The following PPL variants were observed in gnomAD, a reference collection of about 807,000 sequenced individuals.
PPL encodes 190 kDa paraneoplastic pemphigus antigen.
In PPL, 198 loss-of-function variants were observed where a neutral mutation model predicts 194.4. That is an observed-to-expected ratio of 1.02 (90% CI 0.91 to 1.15). The LOEUF (loss-of-function observed/expected upper bound fraction) is 1.15. Ranked by LOEUF, PPL falls within the 50% of genes most tolerant of loss-of-function variation. The probability of loss-of-function intolerance (pLI) is 0.00; values close to 1 mark genes in which losing one functional copy is unlikely to be tolerated. For missense variants in PPL, 2,885 were observed against 2,294.8 expected, an observed-to-expected ratio of 1.26 and a Z score of -5.25; for synonymous variants, 1,220 against 972.4, an observed-to-expected ratio of 1.25 and a Z score of -4.74.
chr16:4,892,516 C>G (rs1266163430), intron 14 of PPL, among the ~76,000 whole-genome samples: 1 of 151,630 alleles, frequency 6.6e-6, no homozygotes, highest in Non-Finnish European at 1.5e-5. Flanking sequence ...TTGCGGCAAC[C>G]CCGGGAGGTG....
At chr16:4,901,468 C>A (rs180757875) in intron 4 of PPL, among the ~76,000 whole-genome samples, 1 of 152,126 alleles carries the variant, frequency 6.6e-6, no homozygotes, top group African/African-American at 2.4e-5. Flanking sequence ...GGGGTCGGAT[C>A]GCTTGAGCCC....
At chr16:4,909,563 A>G (rs561802115) in intron 2 of PPL, among the ~76,000 whole-genome samples, 2 of 150,754 alleles carry the variant, frequency 1.3e-5, no homozygotes, top group Admixed American at 1.3e-4. Flanking sequence ...AGTAGCTGGG[A>G]TTATAGGTGT....
intron 1 of PPL, among the ~76,000 whole-genome samples, chr16:4,912,947 T>C (rs1454491472): frequency 6.6e-6 from 1 of 151,896 alleles, no homozygotes; most frequent in African/African-American, 2.4e-5. Flanking sequence ...CTACTAAAAA[T>C]ACAAAAATTA....
At position 4,884,572 on chromosome 16, in the gene PPL, C is replaced by G. The variant is rs770485903; in HGVS notation, c.4083G>C (p.Glu1361Asp). The part of the protein sequence containing the change: ...VQQEVVRYEE[E>D]PGLRAEASAF... ...CGCTCGCCTCGGCCCGCAGGCCTGG[C>G]TCCTCCTCATACCTGACCACCTCCT... Residue 1361 changes from glutamate to aspartate, a missense_variant, in exon 22 of 22, where the codon GAG becomes GAC. Coordinates refer to ENST00000345988, the MANE Select transcript of PPL (RefSeq NM_002705.5). The surrounding 1 kb of genome is among the most constrained non-coding windows in gnomAD (Gnocchi z 5.7). 6.2e-7 allele frequency: 1 copy of G among 1,613,962 alleles called. No individual in the cohort carries two copies. The highest frequency in any genetic ancestry group is 8.5e-7 in the Non-Finnish European group (1 of 1,179,944).
chr16:4,885,539 G>T lies in PPL; in HGVS notation c.3116C>A (p.Ala1039Asp). 1 of 1,610,364 alleles carries T rather than the reference G, an allele frequency of 6.2e-7. No homozygotes were observed. The highest frequency in any genetic ancestry group is 8.5e-7 in the Non-Finnish European group (1 of 1,179,900). ...AEVLLLQQRVAALAEEKSRAQ... is the reference protein window; with the variant it reads ...AEVLLLQQRVDALAEEKSRAQ... ...CCGGCTCTTCTCTTCAGCCAGGGCG[G>T]CCACACGCTGCTGCAGGAGGAGCAC... The change falls in exon 22 of 22, where the codon GCC (alanine) becomes GAC (aspartate). Residue 1039 changes from alanine (A) to aspartate (D), a missense_variant. Physicochemically the swap from Ala to Asp is moderately radical, Grantham distance 126. Coordinates refer to ENST00000345988, the MANE Select transcript of PPL (RefSeq NM_002705.5). The surrounding 1 kb of genome is among the most constrained non-coding windows in gnomAD (Gnocchi z 6.3).
At position 4,890,828 on chromosome 16, in the gene PPL, T is replaced by C. The variant is rs2088306145; in HGVS notation, c.2062A>G (p.Ser688Gly). The change falls in exon 17 of 22, where the codon AGC becomes GGC. Residue 688 changes from serine (S) to glycine (G), a missense_variant. Coordinates refer to ENST00000345988, the MANE Select transcript of PPL (RefSeq NM_002705.5). ...TCCGGACAGTGCTCCTGGAAGCGGC[T>C]GGCCAGTGTGCTCGAGCACTGCTTG... The part of the protein sequence containing the change: ...AAKQCSSTLA[S>G]RFQEHCPDLE... 1 of 1,583,850 alleles carries C rather than the reference T, an allele frequency of 6.3e-7. No individual in the cohort carries two copies. The highest frequency in any genetic ancestry group is 1.1e-5 in the South Asian group (1 of 87,466).
intron 14 of PPL, chr16:4,892,837 T>C (rs1030037275): frequency 2.7e-5 from 5 of 184,852 alleles, no homozygotes; most frequent in African/African-American, 1.2e-4. Context: ...GCCACTGCCC[T>C]GTGAGCAGGG....
At chr16:4,905,563 A>C (rs2088665335) in intron 2 of PPL, among the ~76,000 whole-genome samples, 1 of 152,244 alleles carries the variant, frequency 6.6e-6, no homozygotes, top group Non-Finnish European at 1.5e-5. Flanking sequence ...TGACTTGTAC[A>C]CTTGCAGTGG....
intron 1 of PPL, among the ~76,000 whole-genome samples, chr16:4,936,413 G>A (rs2089298901): frequency 6.6e-6 from 1 of 152,188 alleles, no homozygotes; most frequent in Non-Finnish European, 1.5e-5. Flanking sequence ...GAAGTGCAGC[G>A]GCGGGTGGCC....
At chr16:4,904,147 C>T (rs2088635166) in intron 2 of PPL, 107 bp from the exon 3 acceptor site, 8 of 1,219,778 alleles carry the variant, frequency 6.6e-6, no homozygotes, top group Non-Finnish European at 9.2e-6. Context: ...CCCTTCTTTC[C>T]CTTTGAATAA....
chr16:4,917,076 G>T (rs2088934237), intron 1 of PPL, among the ~76,000 whole-genome samples: 1 of 152,048 alleles, frequency 6.6e-6, no homozygotes, highest in Non-Finnish European at 1.5e-5. Flanking sequence ...AGGTTGCAAT[G>T]AGCTGAGATG....
intron 2 of PPL, among the ~76,000 whole-genome samples, chr16:4,906,277 T>G (rs934710399): frequency 1.3e-5 from 2 of 152,198 alleles, no homozygotes; most frequent in African/African-American, 4.8e-5. Context: ...CAGGCTGGAG[T>G]GCAGTGGCAC....
intron 1 of PPL, among the ~76,000 whole-genome samples, chr16:4,933,818 G>C (rs977848884): frequency 1.3e-5 from 2 of 152,218 alleles, no homozygotes; most frequent in Non-Finnish European, 2.9e-5. Context: ...CTATGGAATT[G>C]TGCAGTGCAC....
In PPL at chr16:4,915,019, G is replaced by A. The variant is rs568895845; in HGVS notation, c.63-4070C>T. 6.6e-5 allele frequency among the ~76,000 whole-genome samples: 10 copies of A among 152,320 alleles called. 1 individual carries two copies. The highest frequency in any genetic ancestry group is 5.2e-4 in the Admixed American group (8 of 15,308). On this transcript the variant is annotated intron_variant, in intron 1 of 21. Transcript: ENST00000345988. ...TTAACCCCTGACTCTGCAGTGCATC[G>A]TTAGGGTCTGTACTGTGGCTCAAGT...
rs780246491 is a variant in PPL, at chr16:4,889,007, T to G, written c.2368A>C (p.Asn790His). Residue 790 changes from asparagine to histidine, a missense_variant, in exon 19 of 22, where the codon AAT becomes CAT. Physicochemically the swap from Asn to His is moderately conservative, Grantham distance 68. Transcript: ENST00000345988. ...ACAGCTTGCTGGTACTGCTGGGAATTGGCACAGATCTTCTGTACTTCCTGC... is the reference window on the plus strand; with the variant it reads ...ACAGCTTGCTGGTACTGCTGGGAATGGGCACAGATCTTCTGTACTTCCTGC... The part of the protein sequence containing the change: ...REQEVQKICA[N>H]SQQYQQAVKD... 1.2e-6 allele frequency: 2 copies of G among 1,613,668 alleles called. No homozygotes were observed. Among genetic ancestry groups the G allele is most frequent in the Non-Finnish European group, 8.5e-7 (1 of 1,179,898 alleles).
Position 4,893,547 on chromosome 16 carries a change from G to A in PPL, c.1486C>T (p.Pro496Ser). The change falls in exon 13 of 22, where the codon CCC becomes TCC. Residue 496 changes from proline (P) to serine (S), a missense_variant. By Grantham distance (74) the Pro-to-Ser change is moderately conservative. Coordinates refer to ENST00000345988, the MANE Select transcript of PPL (RefSeq NM_002705.5). ...GAGTGGCCCTGGCACCCACCTCCGG[G>A]ATTCTCGGTCTTCAGCACCTCATAC... The part of the protein sequence containing the change: ...QRYEVLKTEN[P>S]GDASDLQGRQ... The A allele has an allele frequency of 6.2e-7, 1 of 1,612,582 alleles. No homozygotes were observed. The highest frequency in any genetic ancestry group is 8.5e-7 in the Non-Finnish European group (1 of 1,179,796).
chr16:4,894,221 A>G (rs1324066130), intron 12 of PPL, among the ~76,000 whole-genome samples: 1 of 152,188 alleles, frequency 6.6e-6, no homozygotes, highest in Admixed American at 6.5e-5. Flanking sequence ...AGGGGCCCTT[A>G]GAAACTGCTT....
At chr16:4,895,151 A>G (rs1202370409) in intron 11 of PPL, 110 bp downstream of exon 11, 81 of 1,347,614 alleles carry the variant, frequency 6.0e-5, no homozygotes, top group Non-Finnish European at 8.0e-5. Context: ...AGTGACACCA[A>G]CCACGGAGAC....
At chr16:4,912,065 A>G (rs186354823) in intron 1 of PPL, among the ~76,000 whole-genome samples, 79 of 152,318 alleles carry the variant, frequency 5.2e-4, no homozygotes, top group African/African-American at 1.9e-3. Flanking sequence ...GAGATAACTC[A>G]CATACCGTAA....
Sources: allele counts gnomAD v4.1 joint callset (sites outside exome capture counted in the v4.1 genomes callset), GRCh38; gene constraint gnomAD v4.1.1; non-coding constraint Gnocchi (gnomAD v3.1); transcripts MANE v1.5; gene names NCBI Gene and HGNC (gene_info 2026-07-23, HGNC 2026-07-21).